Variants in CFAP61 observed in about 807,000 individuals in gnomAD.
CFAP61 encodes the protein cilia- and flagella-associated protein 61.
In CFAP61, 107 loss-of-function variants were observed where a neutral mutation model predicts 135.6. The ratio of observed to expected loss-of-function variants is 0.79; its 90% CI spans 0.67 to 0.93. CFAP61 has a LOEUF of 0.93. Among genes scored for constraint, CFAP61 ranks in the 40% least tolerant of loss-of-function variants. CFAP61 has a pLI of 0.00. For synonymous variants in CFAP61, 575 were observed against 578.5 expected (o/e 0.99, Z 0.09); for missense variants, 1,507 against 1,556.2 (o/e 0.97, Z 0.53).
intron 3 of CFAP61, among the ~76,000 whole-genome samples, chr20:20,071,553 C>G (rs1341352957): frequency 6.6e-6 from 1 of 152,206 alleles, no homozygotes; most frequent in Non-Finnish European, 1.5e-5. Flanking sequence ...TCTGAGCTTT[C>G]TCTGCATGCA....
In CFAP61 at chr20:20,288,870, C is replaced by G; in HGVS notation, c.3058C>G (p.Pro1020Ala). 6.2e-7 allele frequency: 1 copy of G among 1,613,878 alleles called. No individual in the cohort carries two copies. The highest frequency in any genetic ancestry group is 2.2e-5 in the East Asian group (1 of 44,864). Residue 1020 changes from proline (P) to alanine (A), a missense_variant, in exon 23 of 27, where the codon CCT (proline) becomes GCT (alanine). Coordinates refer to ENST00000245957, the MANE Select transcript of CFAP61 (RefSeq NM_015585.4). Reference protein sequence around the residue: ...MLHLFDPTLEPVTEPPANLDR... With the variant: ...MLHLFDPTLEAVTEPPANLDR... ...ACATCTCTTTGATCCAACCCTTGAG[C>G]CTGTGACCGAGCCACCAGCTAATCT...
rs1202764720 is a variant in CFAP61 at position 20,134,794 on chromosome 20, A to G, written c.860-8063A>G. Among the ~76,000 whole-genome samples the G allele has an allele frequency of 2.6e-5, 4 of 152,156 alleles. No individual in the cohort carries two copies. In the South Asian group the frequency reaches 8.3e-4, roughly 32 times the overall value. ...AGAGTGAATGGATTATTTGATGAAGATGCTGAGATGGTAACAATCATTTCT... is the reference window on the plus strand; with the variant it reads ...AGAGTGAATGGATTATTTGATGAAGGTGCTGAGATGGTAACAATCATTTCT... On this transcript the variant is annotated intron_variant, in intron 8 of 26. Transcript: ENST00000245957.
intron 22 of CFAP61, among the ~76,000 whole-genome samples, chr20:20,282,060 T>C (rs1039379997): frequency 6.6e-6 from 1 of 152,220 alleles, no homozygotes; most frequent in Admixed American, 6.5e-5. Flanking sequence ...TTTTCACATA[T>C]TATTTTGTTA....
chr20:20,058,259 AT>A (rs1216907821), intron 2 of CFAP61, among the ~76,000 whole-genome samples: 1 of 152,170 alleles, frequency 6.6e-6, no homozygotes, highest in Non-Finnish European at 1.5e-5. Context: ...CAATGAAATG[AT>A]TTTATTTTTT....
intron 10 of CFAP61, 40 bp downstream of exon 10, chr20:20,159,484 C>T (rs1187280778): frequency 6.4e-7 from 1 of 1,552,218 alleles, no homozygotes; most frequent in Non-Finnish European, 8.9e-7. Flanking sequence ...TTCTAGCCAC[C>T]CCATGGGTTT....
At chr20:20,137,027 GT>G (rs1349797110) in intron 8 of CFAP61, among the ~76,000 whole-genome samples, 1 of 152,140 alleles carries the variant, frequency 6.6e-6, no homozygotes, top group Non-Finnish European at 1.5e-5. Context: ...CACCTTGGTG[GT>G]CTTGGATAAG....
intron 17 of CFAP61, chr20:20,214,450 C>T (rs1434874372): frequency 6.6e-6 from 1 of 152,190 alleles, no homozygotes; most frequent in Non-Finnish European, 1.5e-5. Flanking sequence ...AAAATTCTCC[C>T]TCCATGACTT....
chr20:20,280,665 T>A (rs2145051), intron 22 of CFAP61, among the ~76,000 whole-genome samples: 1 of 152,094 alleles, frequency 6.6e-6, no homozygotes, highest in Non-Finnish European at 1.5e-5. Flanking sequence ...TTTGTTTATT[T>A]ATTTGCCTGC....
chr20:20,074,000 C>T (rs2045893306), intron 3 of CFAP61: 1 of 360,836 alleles, frequency 2.8e-6, no homozygotes, highest in Non-Finnish European at 5.1e-6. Flanking sequence ...ATCGATTTCA[C>T]TCCCCTGCAG....
At chr20:20,281,081 G>A (rs2424320) in intron 22 of CFAP61, among the ~76,000 whole-genome samples, 125,608 of 152,168 alleles carry the variant, frequency 0.83, 52,022 homozygotes, top group Middle Eastern at 0.87. Context: ...GATCACTGCA[G>A]GTTTACAAAA....
chr20:20,098,679 A>G lies in CFAP61; in HGVS notation c.724A>G (p.Met242Val), dbSNP rs765156346. The change falls in exon 8 of 27, where the codon ATG (methionine) becomes GTG (valine). Residue 242 changes from methionine to valine, a missense_variant. Physicochemically the swap from Met to Val is conservative, Grantham distance 21. Transcript: ENST00000245957. ...CEVEGTAVGFMSVCSRVNMQL... is the reference protein window; with the variant it reads ...CEVEGTAVGFVSVCSRVNMQL... ...GGTGGAAGGCACAGCTGTTGGGTTC[A>G]TGAGTGTGTGCTCAAGAGTGAACAT... is the stretch of plus-strand genomic sequence containing the variant. 3.1e-6 allele frequency: 5 copies of G among 1,610,982 alleles called. No individual in the cohort carries two copies. Among genetic ancestry groups the G allele is most frequent in the Non-Finnish European group, 4.2e-6 (5 of 1,179,056 alleles).
chr20:20,196,494 A>T, intron 15 of CFAP61, 76 bp from the exon 16 acceptor site: 1 of 1,136,492 alleles, frequency 8.8e-7, no homozygotes, highest in East Asian at 2.4e-5. Flanking sequence ...AGTAATTTTT[A>T]AAAGATATTT....
intron 20 of CFAP61, among the ~76,000 whole-genome samples, chr20:20,257,635 A>C (rs1468562363): frequency 6.6e-6 from 1 of 151,306 alleles, no homozygotes; most frequent in Non-Finnish European, 1.5e-5. Flanking sequence ...AAACAAAAAA[A>C]AAAAAGAAAA....
rs555561842 is a variant in CFAP61, at chr20:20,057,073, C to T, written c.143+277C>T. ...GCAGAGGCTGCAGTGAGCCAAGACA[C>T]GCCACTGCACTCCAGCCTGGATGAC... On this transcript the variant is annotated intron_variant, in intron 2 of 26. Transcript: ENST00000245957. Among the ~76,000 whole-genome samples the T allele has an allele frequency of 2.1e-3, 315 of 149,250 alleles. 1 individual carries two copies. The highest frequency in any genetic ancestry group is 7.4e-3 in the African/African-American group (299 of 40,352).
chr20:20,288,489 A>G, intron 22 of CFAP61, 120 bp from the exon 23 acceptor site: 1 of 764,200 alleles, frequency 1.3e-6, no homozygotes. Flanking sequence ...ATGATAGCAA[A>G]CTTTTAGTAT....
At chr20:20,127,114 C>T (rs1197449291) in intron 8 of CFAP61, among the ~76,000 whole-genome samples, 4 of 151,498 alleles carry the variant, frequency 2.6e-5, no homozygotes, top group Admixed American at 2.6e-4. Flanking sequence ...ATATTTCTCC[C>T]TTCACTTCTT....
chr20:20,233,085 A>G (rs927898162), intron 18 of CFAP61, among the ~76,000 whole-genome samples: 7 of 152,198 alleles, frequency 4.6e-5, no homozygotes, highest in Non-Finnish European at 8.8e-5. Context: ...GCATGTTTCT[A>G]AAGCTGCAAT....
At chr20:20,198,165 G>A (rs1047897987) in intron 16 of CFAP61, among the ~76,000 whole-genome samples, 3 of 152,160 alleles carry the variant, frequency 2.0e-5, no homozygotes, top group African/African-American at 7.2e-5. Flanking sequence ...GCAGCACCAT[G>A]GCAATGAAAT....
intron 2 of CFAP61, among the ~76,000 whole-genome samples, chr20:20,067,099 A>T (rs2045329750): frequency 6.6e-6 from 1 of 152,168 alleles, no homozygotes; most frequent in African/African-American, 2.4e-5. Flanking sequence ...CTCTTAAAAA[A>T]AAAAAAGAAA....
Sources: allele counts gnomAD v4.1 joint callset (sites outside exome capture counted in the v4.1 genomes callset), GRCh38; gene constraint gnomAD v4.1.1; transcripts MANE v1.5; gene names NCBI Gene and HGNC (gene_info 2026-07-23, HGNC 2026-07-21).